CTSC: variants seen among roughly 807,000 people sequenced by gnomAD.
CTSC encodes cathepsin C, also known as dipeptidyl peptidase 1.
A neutral mutation model predicts 40.9 loss-of-function variants in CTSC; 37 were observed. The ratio of observed to expected loss-of-function variants is 0.91; its 90% CI spans 0.70 to 1.19. The LOEUF is 1.19. Among genes scored for constraint, CTSC ranks in the 50% most tolerant of loss-of-function variants. CTSC has a pLI of 0.00. For missense variants in CTSC, 594 were observed against 567.3 expected (o/e 1.05, Z -0.48); for synonymous variants, 232 against 207.4 (o/e 1.12, Z -1.02).
At chr11:88,325,545 T>C (rs1187171545) in intron 2 of CTSC, 2 of 985,434 alleles carry the variant, frequency 2.0e-6, no homozygotes, top group Non-Finnish European at 2.4e-6. Context: ...AGACAAGTTC[T>C]AGCATTTTAC....
At chr11:88,298,608 C>T (rs1417595972) in intron 5 of CTSC, 2 of 152,092 alleles carry the variant, frequency 1.3e-5, no homozygotes, top group African/African-American at 2.4e-5. Context: ...CCCCAACTTA[C>T]AGTATAGAAT....
intron 4 of CTSC, among the ~76,000 whole-genome samples, chr11:88,302,816 T>C (rs1005903268): frequency 3.9e-5 from 6 of 152,200 alleles, no homozygotes; most frequent in African/African-American, 1.4e-4. Flanking sequence ...AAGATATACA[T>C]GATACAGAGA....
intron 3 of CTSC, 35 bp from the exon 4 acceptor site, chr11:88,309,353 C>A (rs781224804): frequency 1.3e-6 from 2 of 1,543,722 alleles, no homozygotes; most frequent in African/African-American, 1.4e-5. Context: ...CAGATATAGT[C>A]TTTACTGATG....
At chr11:88,296,053 C>T in intron 6 of CTSC, 80 bp downstream of exon 6, 1 of 1,469,750 alleles carries the variant, frequency 6.8e-7, no homozygotes, top group South Asian at 1.1e-5. Flanking sequence ...TCTACTGCAT[C>T]ATCCTTTTGC....
intron 1 of CTSC, 106 bp from the exon 2 acceptor site, chr11:88,335,188 A>G: frequency 1.2e-6 from 1 of 805,148 alleles, no homozygotes; most frequent in Non-Finnish European, 2.1e-6. Context: ...CTTTCATGCT[A>G]CCCAGTTTGA....
At chr11:88,300,482 T>G in intron 5 of CTSC, 48 bp downstream of exon 5, 1 of 1,159,580 alleles carries the variant, frequency 8.6e-7, no homozygotes, top group Non-Finnish European at 1.3e-6. Context: ...AACTGTTCAA[T>G]AAATAGTTCC....
At chr11:88,335,147 C>G in intron 1 of CTSC, 65 bp from the exon 2 acceptor site, 1 of 1,081,636 alleles carries the variant, frequency 9.2e-7, no homozygotes, top group African/African-American at 1.6e-5. Context: ...GGAAAGAATC[C>G]CCCAATTTCA....
At chr11:88,316,821 G>C (rs574394294) in intron 2 of CTSC, among the ~76,000 whole-genome samples, 2 of 152,160 alleles carry the variant, frequency 1.3e-5, no homozygotes, top group African/African-American at 2.4e-5. Flanking sequence ...CACAATGTCT[G>C]ACAGTCCAAA....
At chr11:88,325,910 C>T in intron 2 of CTSC, 2 of 989,558 alleles carry the variant, frequency 2.0e-6, no homozygotes, top group Non-Finnish European at 2.4e-6. Context: ...TTTCTCCTTA[C>T]AACAGGCTCT....
At position 88,309,298 on chromosome 11, in the gene CTSC, T is replaced by G. The variant is rs2134782202; in HGVS notation, c.506A>C (p.Lys169Thr). 1.9e-6 allele frequency: 3 copies of G among 1,613,708 alleles called. No homozygotes were observed. Among genetic ancestry groups the G allele is most frequent in the East Asian group, 4.5e-5 (2 of 44,884 alleles). Residue 169 changes from lysine to threonine, a missense_variant, in exon 4 of 7, where the codon AAG (lysine) becomes ACG (threonine). Transcript: ENST00000227266. ...SQEKYSNRLY[K>T]YDHNFVKAIN... ...AGCTTTCACAAAGTTGTGATCATAC[T>G]TGTAGAGCCTATTAGAATACCTGTC...
At chr11:88,328,255 A>G (rs964438501) in intron 2 of CTSC, 2 of 1,213,664 alleles carry the variant, frequency 1.6e-6, no homozygotes, top group Non-Finnish European at 2.4e-6. Context: ...CATCATCATG[A>G]AAGAAGACAT....
intron 4 of CTSC, among the ~76,000 whole-genome samples, chr11:88,307,818 G>A (rs1211371722): frequency 6.6e-6 from 1 of 152,122 alleles, no homozygotes; most frequent in Non-Finnish European, 1.5e-5. Context: ...CCATTAGGTA[G>A]TGGGCAGTAA....
intron 2 of CTSC, among the ~76,000 whole-genome samples, chr11:88,329,043 G>A (rs545071472): frequency 6.6e-6 from 1 of 152,280 alleles, no homozygotes; most frequent in South Asian, 2.1e-4. Context: ...CAGCCATAAT[G>A]AGTCTACTTC....
At chr11:88,298,853 G>C (rs1471940625) in intron 5 of CTSC, 5 of 152,110 alleles carry the variant, frequency 3.3e-5, no homozygotes, top group Admixed American at 3.3e-4. Context: ...TTTGGCTTTA[G>C]AAAGTCGAAT....
At chr11:88,327,819 C>G in intron 2 of CTSC, 1 of 400,122 alleles carries the variant, frequency 2.5e-6, no homozygotes. Context: ...TTTTTTTTAG[C>G]TGGGTCTTTA....
intron 2 of CTSC, among the ~76,000 whole-genome samples, chr11:88,330,401 T>G (rs913349642): frequency 2.6e-5 from 4 of 152,136 alleles, no homozygotes; most frequent in African/African-American, 9.6e-5. Context: ...CAGGCTGGAG[T>G]GCAATGGTGT....
intron 2 of CTSC, among the ~76,000 whole-genome samples, chr11:88,313,104 G>A (rs1286582418): frequency 6.6e-6 from 1 of 152,078 alleles, no homozygotes; most frequent in Non-Finnish European, 1.5e-5. Context: ...GAGTCTTGCT[G>A]TGTTGCCCAG....
chr11:88,334,873 A>C, intron 2 of CTSC, 64 bp downstream of exon 2: 1 of 1,206,830 alleles, frequency 8.3e-7, no homozygotes. Context: ...AGGGTCTACT[A>C]ATCAGAAGAG....
chr11:88,321,634 A>G (rs1938016733), intron 2 of CTSC: 1 of 152,250 alleles, frequency 6.6e-6, no homozygotes, highest in African/African-American at 2.4e-5. Context: ...ATTGCTGCAT[A>G]GTATTCCATG....
Sources: allele counts gnomAD v4.1 joint callset (sites outside exome capture counted in the v4.1 genomes callset), GRCh38; gene constraint gnomAD v4.1.1; transcripts MANE v1.5; gene names NCBI Gene and HGNC (gene_info 2026-07-23, HGNC 2026-07-21).